The following MBD5 variants were observed in gnomAD, a reference collection of about 807,000 sequenced individuals.
The protein encoded by MBD5 is methyl-CpG-binding domain protein 5.
MBD5 carries 13 observed loss-of-function variants against 117.3 expected under a neutral mutation model. The observed-to-expected ratio is 0.11, with a 90% CI of 0.07 to 0.18. The LOEUF is 0.18. Among genes scored for constraint, MBD5 ranks in the 10% least tolerant of loss-of-function variants. MBD5 has a pLI of 1.00. For synonymous variants in MBD5, 727 were observed against 766.4 expected, an observed-to-expected ratio of 0.95 and a Z score of 0.85; for missense variants, 1,879 against 2,093.8, an observed-to-expected ratio of 0.90 and a Z score of 2.00.
At chr2:148,387,328 T>C (rs1262538347) in intron 4 of MBD5, among the ~76,000 whole-genome samples, 1 of 152,194 alleles carries the variant, frequency 6.6e-6, no homozygotes, top group Non-Finnish European at 1.5e-5. Flanking sequence ...AATAGAATTT[T>C]TTAATTCAGC....
At chr2:148,282,648 A>T (rs892107484) in intron 3 of MBD5, among the ~76,000 whole-genome samples, 11 of 151,992 alleles carry the variant, frequency 7.2e-5, no homozygotes, top group Non-Finnish European at 1.5e-4. Context: ...GAGTTGCATG[A>T]TATACATGTT....
At chr2:148,188,904 C>T (rs1346514722) in intron 2 of MBD5, among the ~76,000 whole-genome samples, 4 of 151,408 alleles carry the variant, frequency 2.6e-5, no homozygotes, top group East Asian at 2.0e-4. Context: ...GTGTGCGCAC[C>T]GTGCGCGAGC....
intron 4 of MBD5, among the ~76,000 whole-genome samples, chr2:148,376,073 C>T (rs772205926): frequency 6.6e-6 from 1 of 150,826 alleles, no homozygotes; most frequent in South Asian, 2.1e-4. Context: ...CATACATACA[C>T]ATACTCAGAA....
rs1699588185 is a variant in MBD5, at chr2:148,217,653, G to A, written c.-830-15592G>A. Among the ~76,000 whole-genome samples, 5 of 152,236 alleles carry A rather than the reference G, an allele frequency of 3.3e-5. No individual in the cohort carries two copies. In the South Asian group the frequency reaches 8.3e-4, roughly 25 times the overall value. ...GGATGTGTGTTTCTTCTCTCTGAAT[G>A]GCACTCGAATGTTTGCTGAGTCCTA... is the stretch of plus-strand genomic sequence containing the variant. On this transcript the variant is annotated intron_variant, in intron 2 of 13. Transcript: ENST00000642680.
intron 4 of MBD5, among the ~76,000 whole-genome samples, chr2:148,352,495 T>G (rs1213615754): frequency 2.0e-5 from 3 of 152,034 alleles, no homozygotes; most frequent in Admixed American, 1.3e-4. Flanking sequence ...TCCCTCATGT[T>G]GCTCTTTTAT....
At chr2:148,237,716 C>T (rs961406979) in intron 3 of MBD5, among the ~76,000 whole-genome samples, 5 of 152,130 alleles carry the variant, frequency 3.3e-5, no homozygotes, top group Non-Finnish European at 5.9e-5. Flanking sequence ...TGTGTGAAAA[C>T]GGCACCGATG....
intron 1 of MBD5, among the ~76,000 whole-genome samples, chr2:148,164,113 A>T (rs998958862): frequency 1.3e-5 from 2 of 152,332 alleles, no homozygotes; most frequent in Admixed American, 6.5e-5. Context: ...CAGTCCTACT[A>T]GGTAGCTAGT....
chr2:148,188,846 C>T (rs6748791), intron 2 of MBD5, among the ~76,000 whole-genome samples: 119,576 of 151,286 alleles, frequency 0.79, 48,601 homozygotes, highest in East Asian at 0.9. Flanking sequence ...TCTGAGGTAC[C>T]GGGTTCATCT....
intron 9 of MBD5, 54 bp downstream of exon 9, chr2:148,484,189 A>G: frequency 3.0e-6 from 4 of 1,352,222 alleles, no homozygotes; most frequent in South Asian, 1.6e-5. Flanking sequence ...TTCTAATTCT[A>G]TTTTCTCCTT....
chr2:148,329,280 A>T (rs1702567446), intron 3 of MBD5, among the ~76,000 whole-genome samples: 1 of 152,224 alleles, frequency 6.6e-6, no homozygotes, highest in Non-Finnish European at 1.5e-5. Flanking sequence ...GAAAGAAAAG[A>T]AGTGCCAGTC....
intron 2 of MBD5, among the ~76,000 whole-genome samples, chr2:148,185,620 G>A (rs1698635113): frequency 6.6e-6 from 1 of 152,142 alleles, no homozygotes; most frequent in Admixed American, 6.5e-5. Flanking sequence ...AAAGATTGAT[G>A]CTCAGGTGTG....
chr2:148,325,762 T>C (rs1008253793), intron 3 of MBD5, among the ~76,000 whole-genome samples: 9 of 152,168 alleles, frequency 5.9e-5, no homozygotes, highest in African/African-American at 2.2e-4. Context: ...GTCTATCAAT[T>C]TTGTTGATCC....
intron 1 of MBD5, among the ~76,000 whole-genome samples, chr2:148,042,648 C>CA (rs1218600060): frequency 1.3e-5 from 2 of 151,402 alleles, no homozygotes; most frequent in East Asian, 1.9e-4. Flanking sequence ...TGAGGAGGAC[C>CA]AAAAAAACTA....
In MBD5 at chr2:148,463,853, A is replaced by G. The variant is rs552579466; in HGVS notation, c.331A>G (p.Thr111Ala). ...TAAAAGAAAAATTATTGCAGTGGCC[A>G]CACTTCATAAAAGCATGGAAGCCCC... Reference protein sequence around the residue: ...IHKRKIIAVATLHKSMEAPHP... With the variant: ...IHKRKIIAVAALHKSMEAPHP... Residue 111 changes from threonine (T) to alanine (A), a missense_variant, in exon 7 of 14, where the codon ACA (threonine) becomes GCA (alanine). This residue lies in a region of MBD5 where 1,666 missense variants were observed against 1,792.2 expected (regional missense o/e 0.93). Transcript: ENST00000642680. The G allele has an allele frequency of 3.1e-6, 5 of 1,613,748 alleles. No individual in the cohort carries two copies. In the South Asian group the frequency reaches 4.4e-5, roughly 14 times the overall value.
rs766179352 is a variant in MBD5, at chr2:148,468,650, C to T, written c.707C>T (p.Ser236Leu). The T allele has an allele frequency of 6.2e-6, 10 of 1,613,876 alleles. No individual in the cohort carries two copies. Among genetic ancestry groups the T allele is most frequent in the Non-Finnish European group, 8.5e-6 (10 of 1,179,862 alleles). ...GGTTCCCAGATATATGGAGATGGTTCAATCTCTCCAAGGACTGACCCACTT... is the reference window on the plus strand; with the variant it reads ...GGTTCCCAGATATATGGAGATGGTTTAATCTCTCCAAGGACTGACCCACTT... The part of the protein sequence containing the change: ...SSGSQIYGDG[S>L]ISPRTDPLGS... The change falls in exon 8 of 14, where the codon TCA (serine) becomes TTA (leucine). Residue 236 changes from serine (S) to leucine (L), a missense_variant. This residue lies in a region of MBD5 where 1,666 missense variants were observed against 1,792.2 expected (regional missense o/e 0.93). Transcript: ENST00000642680.
intron 2 of MBD5, among the ~76,000 whole-genome samples, chr2:148,230,496 G>A (rs1574166811): frequency 6.6e-6 from 1 of 152,232 alleles, no homozygotes; most frequent in Admixed American, 6.5e-5. Context: ...CAATAGCCAA[G>A]TCCTGGAACC....
intron 3 of MBD5, among the ~76,000 whole-genome samples, chr2:148,290,729 C>T (rs112189240): frequency 6.6e-5 from 10 of 152,128 alleles, no homozygotes; most frequent in Admixed American, 3.9e-4. Context: ...ATTTCAGTTA[C>T]GAATATACCA....
rs150589446 is a variant in MBD5, at chr2:148,046,711, G to GT, written c.-925+25027_-925+25028insT. Among the ~76,000 whole-genome samples, 294 of 152,260 alleles carry GT rather than the reference G, an allele frequency of 1.9e-3. 10 individuals are homozygous for GT. The East Asian group carries it at 0.047, about 25-fold the overall frequency. ...TAGTTTAGTTCATTCCTTGACTAGA[G>GT]AATGGTAGTAAGTAATCTCCTTAGC... On this transcript the variant is annotated intron_variant, in intron 1 of 13. Coordinates refer to ENST00000642680, the MANE Select transcript of MBD5 (RefSeq NM_001378120.1).
At chr2:148,232,615 A>G (rs1425334604) in intron 2 of MBD5, among the ~76,000 whole-genome samples, 3 of 149,646 alleles carry the variant, frequency 2.0e-5, no homozygotes, top group Non-Finnish European at 3.0e-5. Context: ...CTAGGGCTAT[A>G]GTATAGCATG....
Sources: gnomAD v4.1 joint callset for allele counts (sites outside exome capture counted in the v4.1 genomes callset) on GRCh38, gnomAD v4.1.1 for gene constraint, gnomAD v4.1.1 regional missense constraint, MANE v1.5 for transcripts, NCBI Gene and HGNC (gene_info 2026-07-23, HGNC 2026-07-21) for gene names.